The following COPB1 variants were observed in gnomAD, a reference collection of about 807,000 sequenced individuals.
COPB1 encodes coat protein complex I subunit beta 1.
A neutral mutation model predicts 108.7 loss-of-function variants in COPB1; 21 were observed. The ratio of observed to expected loss-of-function variants is 0.19; its 90% confidence interval spans 0.14 to 0.28. The LOEUF is 0.28. Ranked by LOEUF, COPB1 falls within the 10% of genes least tolerant of loss-of-function variation. The pLI, the probability that COPB1 is intolerant of heterozygous loss-of-function variation, is 1.00. For synonymous variants in COPB1, 378 were observed against 386.8 expected, an observed-to-expected ratio of 0.98 and a Z score of 0.27; for missense variants, 919 against 1,141.3, an observed-to-expected ratio of 0.81 and a Z score of 2.81.
At chr11:14,493,898 A>T in intron 3 of COPB1, 87 bp from the exon 4 acceptor site, 2 of 1,203,888 alleles carry the variant, frequency 1.7e-6, no homozygotes, top group Non-Finnish European at 1.1e-6. Context: ...ATGGAAAAAA[A>T]ATACGTTTGA....
At position 14,464,914 on chromosome 11, in the gene COPB1, T is replaced by C; in HGVS notation, c.2407A>G (p.Ile803Val). The C allele has an allele frequency of 2.5e-6, 4 of 1,612,742 alleles. No homozygotes were observed. The highest frequency in any genetic ancestry group is 3.4e-6 in the Non-Finnish European group (4 of 1,179,544). ...STENGIIFGN[I>V]VYDVSGAASD... ...ATGCCATAAAACAGCACCTTACCTA[T>C]ATTACCAAAAATTATTCCATTTTCT... Residue 803 changes from isoleucine to valine, a missense_variant, in exon 18 of 22, where the codon ATA becomes GTA. Physicochemically the swap from Ile to Val is conservative, Grantham distance 29. This residue lies in a region of COPB1 where 705 missense variants were observed against 817.8 expected (regional missense o/e 0.86). Transcript: ENST00000439561.
intron 13 of COPB1, among the ~76,000 whole-genome samples, chr11:14,475,245 G>C (rs902770172): frequency 4.6e-5 from 7 of 152,024 alleles, no homozygotes; most frequent in Non-Finnish European, 7.4e-5. Context: ...TTATTTACTG[G>C]GTAAGCCTCA....
Position 14,493,741 on chromosome 11 carries a change from T to A in COPB1, c.392A>T (p.Glu131Val). ...AGCTGGCATTAAAGGTTCTAGCAAT[T>A]CTGCTTCTTTCAATTTGCAAAGAAA... ...LRFLCKLKEA[E>V]LLEPLMPAIR... The change falls in exon 4 of 22, where the codon GAA becomes GTA. Residue 131 changes from glutamate (E) to valine (V), a missense_variant. Physicochemically the swap from Glu to Val is moderately radical, Grantham distance 121. Transcript: ENST00000439561. 6.2e-7 allele frequency: 1 copy of A among 1,613,696 alleles called. No homozygotes were observed. Among genetic ancestry groups the A allele is most frequent in the South Asian group, 1.1e-5 (1 of 90,926 alleles).
chr11:14,464,921 A>C lies in COPB1; in HGVS notation c.2400T>G (p.Phe800Leu), dbSNP rs1421078132. The C allele has an allele frequency of 3.1e-6, 5 of 1,612,788 alleles. No individual in the cohort carries two copies. The highest frequency in any genetic ancestry group is 3.4e-6 in the Non-Finnish European group (4 of 1,179,470). The stretch of plus-strand genomic sequence containing the variant: ...AAAACAGCACCTTACCTATATTACC[A>C]AAAATTATTCCATTTTCTGTTGATG... ...KVASTENGIIFGNIVYDVSGA... is the reference protein window; with the variant it reads ...KVASTENGIILGNIVYDVSGA... Residue 800 changes from phenylalanine to leucine, a missense_variant, in exon 18 of 22, where the codon TTT (phenylalanine) becomes TTG (leucine). Phe to Leu is a conservative substitution (Grantham distance 22). This residue lies in a region of COPB1 where 705 missense variants were observed against 817.8 expected (regional missense o/e 0.86). Transcript: ENST00000439561.
At chr11:14,496,730 C>G (rs1257968756) in intron 2 of COPB1, among the ~76,000 whole-genome samples, 1 of 150,856 alleles carries the variant, frequency 6.6e-6, no homozygotes, top group Non-Finnish European at 1.5e-5. Flanking sequence ...ACAAAAGACC[C>G]AGAATAGCCA....
At chr11:14,474,728 T>C in intron 13 of COPB1, 113 bp from the exon 14 acceptor site, 2 of 1,413,646 alleles carry the variant, frequency 1.4e-6, no homozygotes, top group Non-Finnish European at 1.9e-6. Flanking sequence ...CCTTCAGTGA[T>C]AAGGATACCT....
chr11:14,473,253 C>T (rs983044738), intron 14 of COPB1, among the ~76,000 whole-genome samples: 10 of 152,190 alleles, frequency 6.6e-5, no homozygotes, highest in Admixed American at 4.6e-4. Flanking sequence ...GTGTGAGTCA[C>T]CACGCCTGCC....
chr11:14,494,722 A>G (rs1220484620), intron 2 of COPB1: 1 of 294,014 alleles, frequency 3.4e-6, no homozygotes, highest in Non-Finnish European at 6.3e-6. Flanking sequence ...TGCAGGCTCC[A>G]TGAATCTACA....
rs773387455 is a variant in COPB1 at position 14,483,188 on chromosome 11, C to A, written c.838-37G>T. On this transcript the variant is annotated intron_variant, in intron 7 of 21. Coordinates refer to ENST00000439561, the MANE Select transcript of COPB1 (RefSeq NM_001144061.2). The stretch of plus-strand genomic sequence containing the variant: ...AAGAAATACATTTTAAGAAGTTATT[C>A]ATCTATCATAAAATTTGAAAATAAG... The A allele has an allele frequency of 7.5e-6, 11 of 1,457,612 alleles. 1 individual carries two copies. In the South Asian group the frequency reaches 1.1e-4, roughly 15 times the overall value. 90.3% of individuals were successfully genotyped at this position (1,457,612 alleles called of 1,614,324 possible). A position where few individuals can be genotyped will look rare whatever the true frequency, so the allele number is the denominator to read the frequency against.
chr11:14,494,458 T>TAA lies in COPB1; in HGVS notation c.92-21_92-20dup, dbSNP rs201780513. The TAA allele has an allele frequency of 1.1e-4, 136 of 1,289,056 alleles. No individual in the cohort carries two copies. The highest frequency in any genetic ancestry group is 9.1e-4 in the African/African-American group (61 of 66,760). 79.9% of individuals were successfully genotyped at this position (1,289,056 alleles called of 1,614,324 possible). On this transcript the variant is annotated intron_variant, in intron 2 of 21. Coordinates refer to ENST00000439561, the MANE Select transcript of COPB1 (RefSeq NM_001144061.2). ...CCTTTTTCTGAATCAAAAATTTTTT[T>TAA]AAAAAAAAGCACAATTATTTCAAAA... is the stretch of plus-strand genomic sequence containing the variant.
chr11:14,478,998 G>C (rs1850596361), intron 11 of COPB1: 1 of 127,678 alleles, frequency 7.8e-6, no homozygotes, highest in Admixed American at 8.3e-5. Context: ...TCCTTAATAT[G>C]ATTTTCTTCT....
chr11:14,478,908 T>C (rs757632882), intron 11 of COPB1: 2 of 148,662 alleles, frequency 1.3e-5, no homozygotes, highest in Non-Finnish European at 3.0e-5. Context: ...CATAGCTCTT[T>C]TAAAATTTGT....
chr11:14,457,944 C>A, intron 21 of COPB1, 61 bp from the exon 22 acceptor site: 1 of 1,003,424 alleles, frequency 1.0e-6, no homozygotes, highest in Non-Finnish European at 1.5e-6. Flanking sequence ...GTAGGTTATT[C>A]CATATTATTA....
chr11:14,465,061 A>T (rs764999131), intron 17 of COPB1, 31 bp from the exon 18 acceptor site: 187 of 1,479,728 alleles, frequency 1.3e-4, no homozygotes, highest in Non-Finnish European at 1.6e-4. Flanking sequence ...ATGGTTAAAA[A>T]TACACACACA....
chr11:14,490,433 A>T, intron 5 of COPB1, 132 bp downstream of exon 5: 1 of 508,592 alleles, frequency 2.0e-6, no homozygotes. Flanking sequence ...CTACAAGCTT[A>T]AAAATTTCAA....
chr11:14,488,628 A>G (rs1850826927), intron 5 of COPB1, 44 bp from the exon 6 acceptor site: 2 of 1,312,628 alleles, frequency 1.5e-6, no homozygotes, highest in African/African-American at 2.9e-5. Flanking sequence ...ACCTCATTCA[A>G]TAGAAGGACT....
At chr11:14,492,323 C>CATT (rs970783993) in intron 4 of COPB1, among the ~76,000 whole-genome samples, 25 of 151,418 alleles carry the variant, frequency 1.7e-4, no homozygotes, top group Middle Eastern at 3.4e-3. Context: ...ACTCACCCTA[C>CATT]ATTATTATTA....
In COPB1 at chr11:14,461,320, A is replaced by T. The variant is rs771703682; in HGVS notation, c.2422T>A (p.Ser808Thr). Residue 808 changes from serine to threonine, a missense_variant, in exon 19 of 22, where the codon TCT becomes ACT. Ser to Thr is a moderately conservative substitution (Grantham distance 58, BLOSUM62 1). Coordinates refer to ENST00000439561, the MANE Select transcript of COPB1 (RefSeq NM_001144061.2). Reference protein sequence around the residue: ...IIFGNIVYDVSGAASDRNCVV... With the variant: ...IIFGNIVYDVTGAASDRNCVV... ...CAATTTCTGTCACTTGCTGCTCCAG[A>T]GACATCATAAACTGCAATTACATAT... 6 of 1,613,928 alleles carry T rather than the reference A, an allele frequency of 3.7e-6. No individual in the cohort carries two copies. Among genetic ancestry groups the T allele is most frequent in the East Asian group, 4.5e-5 (2 of 44,876 alleles).
chr11:14,468,563 A>T, intron 16 of COPB1, 118 bp downstream of exon 16: 1 of 934,574 alleles, frequency 1.1e-6, no homozygotes, highest in Non-Finnish European at 1.6e-6. Context: ...ACTGAGGTTT[A>T]ATGGACCTAT....
Sources: gnomAD v4.1 joint callset for allele counts (sites outside exome capture counted in the v4.1 genomes callset) on GRCh38, gnomAD v4.1.1 for gene constraint, gnomAD v4.1.1 regional missense constraint, MANE v1.5 for transcripts, NCBI Gene and HGNC (gene_info 2026-07-23, HGNC 2026-07-21) for gene names.